ADD1: variants seen among roughly 807,000 people sequenced by gnomAD.
ADD1 encodes alpha-adducin.
In ADD1, 24 loss-of-function variants were observed where a neutral mutation model predicts 80.5. The observed-to-expected ratio is 0.30, with a 90% CI of 0.22 to 0.42. The LOEUF is 0.42. Among genes scored for constraint, ADD1 ranks in the 10% least tolerant of loss-of-function variants. ADD1 has a pLI of 1.00. For synonymous variants in ADD1, 373 were observed against 393.8 expected, an observed-to-expected ratio of 0.95 and a Z score of 0.63; for missense variants, 948 against 1,019.0, an observed-to-expected ratio of 0.93 and a Z score of 0.95.
At position 2,909,982 on chromosome 4, in the gene ADD1, A is replaced by C. The variant is rs553774757; in HGVS notation, c.1791+551A>C. On this transcript the variant is annotated intron_variant, in intron 13 of 15. Transcript: ENST00000683351. ...TATTTGTACCTCAAAAAAAAAAAAAAAAACCCTAAATAACATTTTTAAATG... is the reference window on the plus strand; with the variant it reads ...TATTTGTACCTCAAAAAAAAAAAAACAAACCCTAAATAACATTTTTAAATG... 4.6e-5 allele frequency among the ~76,000 whole-genome samples: 7 copies of C among 150,664 alleles called. No homozygotes were observed. The South Asian group carries it at 1.1e-3, about 23-fold the overall frequency.
chr4:2,884,182 C>G (rs1364543653), intron 3 of ADD1, among the ~76,000 whole-genome samples: 2 of 151,696 alleles, frequency 1.3e-5, no homozygotes, highest in African/African-American at 4.9e-5. Context: ...ATTTGGCTAT[C>G]TTTTTGTTAT....
At chr4:2,922,916 C>G (rs1376618576) in intron 14 of ADD1, among the ~76,000 whole-genome samples, 1 of 152,256 alleles carries the variant, frequency 6.6e-6, no homozygotes, top group Non-Finnish European at 1.5e-5. Flanking sequence ...TGTGAACTTC[C>G]TGGCAGCTTT....
At chr4:2,886,495 T>A (rs1256775830) in intron 4 of ADD1, among the ~76,000 whole-genome samples, 1 of 152,208 alleles carries the variant, frequency 6.6e-6, no homozygotes, top group Non-Finnish European at 1.5e-5. Flanking sequence ...GTGTAGAATG[T>A]CATCGCTGCT....
chr4:2,897,402 A>T (rs1257085840), intron 6 of ADD1, among the ~76,000 whole-genome samples: 1 of 148,794 alleles, frequency 6.7e-6, no homozygotes, highest in Non-Finnish European at 1.5e-5. Flanking sequence ...ATTATATATA[A>T]ATTGTATATA....
chr4:2,864,776 C>G (rs956974436), intron 1 of ADD1, among the ~76,000 whole-genome samples: 2 of 152,106 alleles, frequency 1.3e-5, no homozygotes, highest in Non-Finnish European at 2.9e-5. Flanking sequence ...GCTTATTGCT[C>G]TCAGTGATGC....
intron 1 of ADD1, among the ~76,000 whole-genome samples, chr4:2,866,671 CGT>C (rs1301785278): frequency 1.3e-5 from 2 of 152,066 alleles, no homozygotes; most frequent in Non-Finnish European, 2.9e-5. Flanking sequence ...TAGCTCTTCC[CGT>C]GTTTACATTT....
chr4:2,899,471 T>C, intron 9 of ADD1, 36 bp downstream of exon 9: 5 of 1,612,704 alleles, frequency 3.1e-6, no homozygotes, highest in Non-Finnish European at 4.2e-6. Context: ...ATAAACCTTT[T>C]GTTCTAAAAG....
In ADD1 at chr4:2,928,769, G is replaced by T. The variant is rs146995313; in HGVS notation, c.*246G>T. On this transcript the variant is annotated 3_prime_UTR_variant, in exon 16 of 16. Transcript: ENST00000683351. ...TGGGGGAGACATGCTCTCCCCACAG[G>T]GGGGAGGCACTAAGTCATGGTCCTG... 46 of 505,568 alleles carry T rather than the reference G, an allele frequency of 9.1e-5. No individual in the cohort carries two copies. Among genetic ancestry groups the T allele is most frequent in the South Asian group, 6.8e-4 (25 of 37,018 alleles). The allele number at this position is 505,568 out of a possible 1,614,324, so 31.3% of individuals were successfully genotyped here.
In ADD1 at chr4:2,882,085, T is replaced by C. The variant is rs573310707; in HGVS notation, c.358+25T>C. On this transcript the variant is annotated intron_variant, in intron 3 of 15. Coordinates refer to ENST00000683351, the MANE Select transcript of ADD1 (RefSeq NM_001354761.2). ...AGTGAGTAGTTCCTGATTTTTAATA[T>C]ATGTTCTGTAGTTTTCAGGTAAAAT... The C allele has an allele frequency of 8.3e-6, 13 of 1,570,820 alleles. No individual in the cohort carries two copies. The South Asian group carries it at 1.4e-4, about 17-fold the overall frequency.
At chr4:2,863,721 TTTTTG>T (rs1553820530) in intron 1 of ADD1, among the ~76,000 whole-genome samples, 1 of 151,940 alleles carries the variant, frequency 6.6e-6, no homozygotes, top group Non-Finnish European at 1.5e-5. Context: ...ACCTTGTTTT[TTTTTG>T]TTTTGTTTTG....
chr4:2,871,171 C>T (rs1730387782), intron 1 of ADD1, among the ~76,000 whole-genome samples: 1 of 151,954 alleles, frequency 6.6e-6, no homozygotes, highest in African/African-American at 2.4e-5. Context: ...TGGGGTTTCA[C>T]CGTGTTAGCC....
rs151189780 is a variant in ADD1, at chr4:2,875,253, T to C, written c.-20-643T>C. Among the ~76,000 whole-genome samples the C allele has an allele frequency of 1.7e-3, 260 of 152,078 alleles. 1 individual carries two copies. The East Asian group carries it at 0.022, about 13-fold the overall frequency. ...CCCTCCCCCCGAGAAAAGAATGTAA[T>C]GTCAGTAGCCATATTCACAGAATTT... On this transcript the variant is annotated intron_variant, in intron 1 of 15. Transcript: ENST00000683351.
chr4:2,853,281 A>C (rs764497826), intron 1 of ADD1: 5 of 151,466 alleles, frequency 3.3e-5, no homozygotes, highest in Admixed American at 3.3e-4. Context: ...AATTTTTATA[A>C]TTTTAGTAGA....
At chr4:2,910,494 T>A (rs923008526) in intron 13 of ADD1, among the ~76,000 whole-genome samples, 2 of 152,230 alleles carry the variant, frequency 1.3e-5, no homozygotes, top group Non-Finnish European at 2.9e-5. Flanking sequence ...GAAAGATGAC[T>A]CTGCCTGTTG....
intron 13 of ADD1, among the ~76,000 whole-genome samples, chr4:2,912,960 T>A (rs1187759980): frequency 6.6e-6 from 1 of 152,224 alleles, no homozygotes; most frequent in African/African-American, 2.4e-5. Flanking sequence ...TTCCTTTGCC[T>A]CAGCTTCCCG....
chr4:2,869,136 G>T (rs1003347501), intron 1 of ADD1, among the ~76,000 whole-genome samples: 27 of 152,124 alleles, frequency 1.8e-4, no homozygotes, highest in African/African-American at 6.0e-4. Context: ...AAGCTTTCCT[G>T]ACAGCCCCTC....
chr4:2,909,091 T>C (rs1737558477), intron 12 of ADD1: 2 of 542,140 alleles, frequency 3.7e-6, no homozygotes, highest in Non-Finnish European at 6.6e-6. Flanking sequence ...TAAGTAGTTA[T>C]CTCTGAAAAC....
At position 2,924,152 on chromosome 4, in the gene ADD1, G is replaced by T. The variant is rs1044424102; in HGVS notation, c.1949-1862G>T. On this transcript the variant is annotated intron_variant, in intron 14 of 15. Coordinates refer to ENST00000683351, the MANE Select transcript of ADD1 (RefSeq NM_001354761.2). ...TCTTGGTAGCCCGCTGACAAAGGCGGTCTTGTTTTTGTCAAAGATGGGGCA... is the reference window on the plus strand; with the variant it reads ...TCTTGGTAGCCCGCTGACAAAGGCGTTCTTGTTTTTGTCAAAGATGGGGCA... 2.0e-5 allele frequency among the ~76,000 whole-genome samples: 3 copies of T among 152,368 alleles called. No homozygotes were observed. The East Asian group carries it at 5.8e-4, about 29-fold the overall frequency.
At chr4:2,881,695 A>G (rs1232802404) in intron 2 of ADD1, 1 of 431,520 alleles carries the variant, frequency 2.3e-6, no homozygotes, top group African/African-American at 2.0e-5. Context: ...TCCTGTTCAG[A>G]GTTTTAAGCT....
Sources: allele counts gnomAD v4.1 joint callset (sites outside exome capture counted in the v4.1 genomes callset), GRCh38; gene constraint gnomAD v4.1.1; transcripts MANE v1.5; gene names NCBI Gene and HGNC (gene_info 2026-07-23, HGNC 2026-07-21).